UTS2: variants seen among roughly 807,000 people sequenced by gnomAD.
The protein encoded by UTS2 is urotensin-2.
UTS2 carries 10 observed loss-of-function variants against 12.6 expected under a neutral mutation model. The ratio of observed to expected loss-of-function variants is 0.80; its 90% CI spans 0.49 to 1.35. The LOEUF is 1.35. Ranked by LOEUF, UTS2 falls within the 40% of genes most tolerant of loss-of-function variation. UTS2 has a pLI of 0.00. For missense variants in UTS2, 142 were observed against 143.2 expected, an observed-to-expected ratio of 0.99 and a Z score of 0.04; for synonymous variants, 52 against 50.0, an observed-to-expected ratio of 1.04 and a Z score of -0.17.
At chr1:7,909,994 C>A in the UTS2 span, among the ~76,000 whole-genome samples, 1 of 152,194 alleles carries the variant, frequency 6.6e-6, no homozygotes, top group Non-Finnish European at 1.5e-5. Flanking sequence ...GTTAACCTTA[C>A]ACAAGCCATC....
the UTS2 span, among the ~76,000 whole-genome samples, chr1:7,894,515 C>T: frequency 6.6e-6 from 1 of 152,080 alleles, no homozygotes; most frequent in African/African-American, 2.4e-5. Context: ...GTGAATGAAA[C>T]AGAACCCTGC....
intron 1 of UTS2, among the ~76,000 whole-genome samples, chr1:7,851,264 C>T (rs2097413876): frequency 1.3e-5 from 2 of 152,216 alleles, no homozygotes; most frequent in Admixed American, 1.3e-4. Flanking sequence ...TGCTTATCTA[C>T]TGCTGCCTAC....
chr1:7,856,986 A>G (rs973631190), upstream of UTS2, among the ~76,000 whole-genome samples: 11 of 152,046 alleles, frequency 7.2e-5, no homozygotes, highest in East Asian at 1.4e-3. Context: ...GCTTGAACCC[A>G]GGAGGTGGGG....
chr1:7,874,491 T>C, the UTS2 span, among the ~76,000 whole-genome samples: 1 of 152,098 alleles, frequency 6.6e-6, no homozygotes, highest in African/African-American at 2.4e-5. Context: ...AGCCTCACAA[T>C]GCAGGGTGAC....
chr1:7,893,677 C>T, the UTS2 span, among the ~76,000 whole-genome samples: 3 of 152,150 alleles, frequency 2.0e-5, no homozygotes, highest in Non-Finnish European at 2.9e-5. Flanking sequence ...GCCTGGTCAC[C>T]TCTGTGCCTG....
At chr1:7,865,891 G>A in the UTS2 span, among the ~76,000 whole-genome samples, 1 of 152,188 alleles carries the variant, frequency 6.6e-6, no homozygotes, top group East Asian at 1.9e-4. Context: ...AGCCAAGATT[G>A]TACCACTGCA....
chr1:7,885,297 A>G, the UTS2 span, among the ~76,000 whole-genome samples: 2,991 of 152,294 alleles, frequency 0.02, 87 homozygotes, highest in African/African-American at 0.068. Flanking sequence ...TTGGTAGTCA[A>G]CATGTAACCA....
the UTS2 span, among the ~76,000 whole-genome samples, chr1:7,906,495 G>GAAAGAAAGAAAGAAAGA: frequency 7.9e-6 from 1 of 126,850 alleles, no homozygotes; most frequent in South Asian, 2.9e-4. Flanking sequence ...AAGAAAGAAA[G>GAAAGAAAGAAAGAAAGA]AAAGAAAGAA....
the UTS2 span, among the ~76,000 whole-genome samples, chr1:7,911,461 G>C: frequency 7.9e-5 from 12 of 152,162 alleles, no homozygotes; most frequent in Non-Finnish European, 1.8e-4. Flanking sequence ...TAATTTTACA[G>C]ATGAAGAAAC....
At chr1:7,909,563 G>GA in the UTS2 span, among the ~76,000 whole-genome samples, 3 of 135,558 alleles carry the variant, frequency 2.2e-5, no homozygotes, top group Non-Finnish European at 3.2e-5. Flanking sequence ...AAAAAAAAAA[G>GA]AAAAAAAAAT....
the UTS2 span, among the ~76,000 whole-genome samples, chr1:7,859,559 G>A: frequency 1.8e-4 from 27 of 152,236 alleles, no homozygotes; most frequent in Non-Finnish European, 2.8e-4. Flanking sequence ...GGAACAGTGA[G>A]TGCAAAGGCC....
At chr1:7,882,796 C>G in the UTS2 span, among the ~76,000 whole-genome samples, 5,309 of 152,042 alleles carry the variant, frequency 0.035, 133 homozygotes, top group Non-Finnish European at 0.048. Context: ...ATACAAATGG[C>G]CAAGAGATAT....
Position 7,847,730 on chromosome 1 carries a change from G to A in UTS2, c.*36C>T. 2.7e-6 allele frequency: 4 copies of A among 1,467,790 alleles called. No individual in the cohort carries two copies. Among genetic ancestry groups the A allele is most frequent in the Non-Finnish European group, 3.8e-6 (4 of 1,057,294 alleles). The allele number at this position is 1,467,790 out of a possible 1,614,324, so 90.9% of individuals were successfully genotyped here. A position where few individuals can be genotyped will look rare whatever the true frequency, so the allele number is the denominator to read the frequency against. On this transcript the variant is annotated 3_prime_UTR_variant, in exon 4 of 4. Transcript: ENST00000361696. Reference sequence around the variant, plus strand: ...TGTTATTTTTCATATTCTAAGATGGGTGTTTCTGAGCTGACTAACAGATGC... The same window carrying A: ...TGTTATTTTTCATATTCTAAGATGGATGTTTCTGAGCTGACTAACAGATGC...
the UTS2 span, among the ~76,000 whole-genome samples, chr1:7,900,445 G>A: frequency 9.2e-5 from 14 of 152,080 alleles, no homozygotes; most frequent in Non-Finnish European, 1.6e-4. Context: ...AGCGAGCAAG[G>A]TAGGTTAAAT....
At chr1:7,865,954 C>T in the UTS2 span, among the ~76,000 whole-genome samples, 1 of 152,128 alleles carries the variant, frequency 6.6e-6, no homozygotes, top group African/African-American at 2.4e-5. Flanking sequence ...AATAAACAAA[C>T]TAATACAATT....
At chr1:7,879,271 T>C in the UTS2 span, among the ~76,000 whole-genome samples, 2 of 152,126 alleles carry the variant, frequency 1.3e-5, no homozygotes, top group Non-Finnish European at 2.9e-5. Context: ...ACAAAACATA[T>C]CTCGACAAAT....
At chr1:7,888,137 A>C in the UTS2 span, among the ~76,000 whole-genome samples, 23 of 152,262 alleles carry the variant, frequency 1.5e-4, no homozygotes, top group Admixed American at 8.5e-4. Context: ...GGATTGATTC[A>C]TTTCGTTGTT....
upstream of UTS2, chr1:7,853,357 A>G: frequency 6.2e-7 from 1 of 1,614,176 alleles, no homozygotes. Flanking sequence ...TGAAGTGGCC[A>G]AAGCAAAGAG....
chr1:7,885,908 T>TGGGGGG, the UTS2 span, among the ~76,000 whole-genome samples: 6 of 13,962 alleles, frequency 4.3e-4, no homozygotes, highest in Admixed American at 9.1e-4. Context: ...GGGGGTGGGG[T>TGGGGGG]GGGGGGGGGC....
Sources: gnomAD v4.1 joint callset for allele counts (sites outside exome capture counted in the v4.1 genomes callset) on GRCh38, gnomAD v4.1.1 for gene constraint, MANE v1.5 for transcripts, NCBI Gene and HGNC (gene_info 2026-07-23, HGNC 2026-07-21) for gene names.